Variants in SRBD1 observed in about 807,000 individuals in gnomAD.
SRBD1 encodes S1 RNA-binding domain-containing protein 1.
Under a neutral mutation model 115.3 loss-of-function variants are expected in SRBD1, and 88 were observed. That is an observed-to-expected ratio of 0.76 (90% CI 0.64 to 0.91). SRBD1 has a LOEUF of 0.91. SRBD1 is among the 40% of genes least tolerant of loss of function. The pLI is 0.00. For synonymous variants in SRBD1, 509 were observed against 407.7 expected (o/e 1.25, Z -2.99); for missense variants, 1,385 against 1,177.4 (o/e 1.18, Z -2.58).
At chr2:45,459,834 C>T (rs917479650) in intron 16 of SRBD1, among the ~76,000 whole-genome samples, 1 of 152,126 alleles carries the variant, frequency 6.6e-6, no homozygotes, top group South Asian at 2.1e-4. Context: ...GCTCTGTGTT[C>T]TTTCCACTAA....
chr2:45,537,212 T>G (rs1017364787), intron 14 of SRBD1, among the ~76,000 whole-genome samples: 1 of 152,178 alleles, frequency 6.6e-6, no homozygotes, highest in East Asian at 1.9e-4. Context: ...CATCACACTT[T>G]ACTTCAGCAC....
At chr2:45,441,595 A>G (rs913604048) in intron 16 of SRBD1, among the ~76,000 whole-genome samples, 2 of 152,174 alleles carry the variant, frequency 1.3e-5, no homozygotes, top group Admixed American at 6.5e-5. Flanking sequence ...TTCTTAGTAC[A>G]TAGTAGCTAC....
Position 45,605,336 on chromosome 2 carries a change from C to T in SRBD1, c.80+26G>A, listed in dbSNP as rs769045854. ...TATTAAAATATTCATCATTCCCCTACCCACATATTAAACCAGTATGCTTAC... is the reference window on the plus strand; with the variant it reads ...TATTAAAATATTCATCATTCCCCTATCCACATATTAAACCAGTATGCTTAC... On this transcript the variant is annotated intron_variant, in intron 2 of 20. Transcript: ENST00000263736. 6 of 1,585,230 alleles carry T rather than the reference C, an allele frequency of 3.8e-6. No individual in the cohort carries two copies. The South Asian group carries it at 4.5e-5, about 12-fold the overall frequency.
Position 45,561,883 on chromosome 2 carries a change from T to C in SRBD1, c.1409+770A>G, listed in dbSNP as rs117243089. Among the ~76,000 whole-genome samples, 275 of 152,338 alleles carry C rather than the reference T, an allele frequency of 1.8e-3. 5 individuals carry two copies. The East Asian group carries it at 0.039, about 22-fold the overall frequency. On this transcript the variant is annotated intron_variant, in intron 10 of 20. Transcript: ENST00000263736. ...TCAATCATCCTTAACATGCAACATTTATCCCCACATACAGAATGCTTATTT... is the reference window on the plus strand; with the variant it reads ...TCAATCATCCTTAACATGCAACATTCATCCCCACATACAGAATGCTTATTT...
intron 14 of SRBD1, among the ~76,000 whole-genome samples, chr2:45,500,879 C>G (rs1324149292): frequency 6.6e-6 from 1 of 152,080 alleles, no homozygotes; most frequent in East Asian, 1.9e-4. Context: ...TTTGGATGCT[C>G]TTTATATATT....
At chr2:45,534,490 G>A (rs1263327807) in intron 14 of SRBD1, among the ~76,000 whole-genome samples, 6 of 151,800 alleles carry the variant, frequency 4.0e-5, no homozygotes, top group African/African-American at 1.5e-4. Flanking sequence ...AAAGAAATGA[G>A]AAATTTAAAT....
chr2:45,572,875 A>G (rs1438878185), intron 9 of SRBD1, among the ~76,000 whole-genome samples: 1 of 152,168 alleles, frequency 6.6e-6, no homozygotes, highest in Admixed American at 6.5e-5. Context: ...TCATATTTGT[A>G]TTTCACAGGG....
chr2:45,561,615 A>C (rs1490427198), intron 10 of SRBD1, among the ~76,000 whole-genome samples: 1 of 152,214 alleles, frequency 6.6e-6, no homozygotes, highest in Non-Finnish European at 1.5e-5. Flanking sequence ...CTAGGAAGCC[A>C]CTTTACTTAC....
intron 19 of SRBD1, among the ~76,000 whole-genome samples, chr2:45,400,150 C>T (rs141099170): frequency 8.0e-4 from 122 of 152,174 alleles, no homozygotes; most frequent in African/African-American, 2.5e-3. Flanking sequence ...TGGGCAAAAA[C>T]GTTATTCCAT....
intron 15 of SRBD1, among the ~76,000 whole-genome samples, chr2:45,487,147 T>G (rs1382869361): frequency 2.0e-5 from 3 of 152,212 alleles, no homozygotes; most frequent in African/African-American, 7.2e-5. Context: ...TTTAGATTAC[T>G]GTAAAAATTT....
chr2:45,432,105 C>T (rs535845494), intron 16 of SRBD1, among the ~76,000 whole-genome samples: 1 of 152,098 alleles, frequency 6.6e-6, no homozygotes, highest in East Asian at 1.9e-4. Context: ...TCTTGGCTCA[C>T]AACAACCTCC....
chr2:45,413,127 C>T lies in SRBD1; in HGVS notation c.2500G>A (p.Asp834Asn). Residue 834 changes from aspartate to asparagine, a missense_variant, in exon 19 of 21, where the codon GAC becomes AAC. Coordinates refer to ENST00000263736, the MANE Select transcript of SRBD1 (RefSeq NM_018079.5). ...CCTCAGACTTACCTCATTGCTATGT[C>T]ATATGATTCTGGATGAATACAAGTT... ...DQTCIHPESY[D>N]IAMRFLSSIG... 6.2e-7 allele frequency: 1 copy of T among 1,613,676 alleles called. No homozygotes were observed. The highest frequency in any genetic ancestry group is 8.5e-7 in the Non-Finnish European group (1 of 1,179,802).
At chr2:45,402,580 T>A (rs1026237439) in intron 19 of SRBD1, among the ~76,000 whole-genome samples, 1 of 152,206 alleles carries the variant, frequency 6.6e-6, no homozygotes, top group African/African-American at 2.4e-5. Flanking sequence ...TTATAGAAAC[T>A]AGTATTAGAA....
chr2:45,447,883 T>G (rs1036651991), intron 16 of SRBD1: 1 of 152,180 alleles, frequency 6.6e-6, no homozygotes, highest in Non-Finnish European at 1.5e-5. Flanking sequence ...GTTTCCATAG[T>G]AAACAGTATT....
chr2:45,464,198 T>C (rs186848366), intron 16 of SRBD1, among the ~76,000 whole-genome samples: 1 of 152,210 alleles, frequency 6.6e-6, no homozygotes, highest in African/African-American at 2.4e-5. Flanking sequence ...TCACTTTCCT[T>C]AGCCATTCTC....
intron 16 of SRBD1, among the ~76,000 whole-genome samples, chr2:45,431,505 C>T (rs1364474001): frequency 2.6e-5 from 4 of 152,140 alleles, no homozygotes; most frequent in Non-Finnish European, 5.9e-5. Context: ...AGCCATCATT[C>T]TCAGCAAACT....
At chr2:45,502,203 C>T (rs1320616751) in intron 14 of SRBD1, among the ~76,000 whole-genome samples, 3 of 152,200 alleles carry the variant, frequency 2.0e-5, no homozygotes, top group African/African-American at 4.8e-5. Context: ...CTCCAGCAAA[C>T]TCCAACAGAC....
intron 9 of SRBD1, among the ~76,000 whole-genome samples, chr2:45,565,003 G>C (rs1406190163): frequency 6.6e-6 from 1 of 152,132 alleles, no homozygotes. Flanking sequence ...AAATACCCAT[G>C]AACATCCCAT....
rs1026576987 is a variant in SRBD1, at chr2:45,494,460, G to A, written c.1875-6129C>T. On this transcript the variant is annotated intron_variant, in intron 14 of 20. Coordinates refer to ENST00000263736, the MANE Select transcript of SRBD1 (RefSeq NM_018079.5). The stretch of plus-strand genomic sequence containing the variant: ...GTAAATACATCATTTGTTTGTAGAA[G>A]ATCTCAAGCAATGACATTTTATGAC... Among the ~76,000 whole-genome samples the A allele has an allele frequency of 3.3e-5, 5 of 151,598 alleles. 1 individual carries two copies.
Sources: gnomAD v4.1 joint callset for allele counts (sites outside exome capture counted in the v4.1 genomes callset) on GRCh38, gnomAD v4.1.1 for gene constraint, MANE v1.5 for transcripts, NCBI Gene and HGNC (gene_info 2026-07-23, HGNC 2026-07-21) for gene names.